The following NEK4 variants were observed in gnomAD, a reference collection of about 807,000 sequenced individuals.
The protein encoded by NEK4 is NIMA related kinase 4.
Under a neutral mutation model 98.4 loss-of-function variants are expected in NEK4, and 86 were observed. The ratio of observed to expected loss-of-function variants is 0.87; its 90% CI spans 0.73 to 1.05. NEK4 has a LOEUF of 1.05. Ranked by LOEUF, NEK4 falls within the 50% of genes least tolerant of loss-of-function variation. The pLI is 0.00. For synonymous variants in NEK4, 328 were observed against 342.2 expected, an observed-to-expected ratio of 0.96 and a Z score of 0.46; for missense variants, 898 against 950.3, an observed-to-expected ratio of 0.94 and a Z score of 0.72.
chr3:52,745,424 C>CA (rs2097394335), intron 10 of NEK4, among the ~76,000 whole-genome samples: 1 of 151,742 alleles, frequency 6.6e-6, no homozygotes, highest in South Asian at 2.1e-4. Context: ...TACTAAAATA[C>CA]AAAAATTAGC....
At position 52,711,018 on chromosome 3, in the gene NEK4, TA is replaced by T. The variant is rs1250477965; in HGVS notation, c.*758del. 3.9e-5 allele frequency: 6 copies of T among 152,612 alleles called. No individual in the cohort carries two copies. Among genetic ancestry groups the T allele is most frequent in the Non-Finnish European group, 8.8e-5 (6 of 68,028 alleles). The allele number at this position is 152,612 out of a possible 1,614,324, so 9.5% of individuals were successfully genotyped here. ...ACAAACATTAAATATATCCAAAAAC[TA>T]AATGGACCTGGACTTTGCTTACAAA... On this transcript the variant is annotated 3_prime_UTR_variant, in exon 16 of 16. Coordinates refer to ENST00000233027, the MANE Select transcript of NEK4 (RefSeq NM_003157.6).
chr3:52,736,602 AAAG>A (rs1348303489), intron 15 of NEK4, among the ~76,000 whole-genome samples: 3 of 152,174 alleles, frequency 2.0e-5, no homozygotes, highest in African/African-American at 2.4e-5. Context: ...AAAAAAAAAA[AAAG>A]AATTATAGTA....
Position 52,743,441 on chromosome 3 carries a change from A to G in NEK4, c.1915T>C (p.Ser639Pro). Reference sequence around the variant, plus strand: ...TTTCCTGGCCCTGCTACACTCAGAGACGCTTTCCTCACTGAAGGGCCTGAA... The same window carrying G: ...TTTCCTGGCCCTGCTACACTCAGAGGCGCTTTCCTCACTGAAGGGCCTGAA... ...SSSGPSVRKA[S>P]LSVAGPGKPQ... Residue 639 changes from serine (S) to proline (P), a missense_variant, in exon 12 of 16, where the codon TCT becomes CCT. By Grantham distance (74) the Ser-to-Pro change is moderately conservative. Coordinates refer to ENST00000233027, the MANE Select transcript of NEK4 (RefSeq NM_003157.6). 6.2e-7 allele frequency: 1 copy of G among 1,614,002 alleles called. No individual in the cohort carries two copies. Among genetic ancestry groups the G allele is most frequent in the South Asian group, 1.1e-5 (1 of 91,074 alleles).
chr3:52,746,000 T>C (rs2097395350), intron 10 of NEK4, 61 bp downstream of exon 10: 2 of 1,487,922 alleles, frequency 1.3e-6, no homozygotes, highest in Non-Finnish European at 1.9e-6. Flanking sequence ...TGGGATTACA[T>C]GCATGATACA....
Position 52,723,462 on chromosome 3 carries a change from G to C in NEK4, c.2434-11593C>G, listed in dbSNP as rs192733546. On this transcript the variant is annotated intron_variant, in intron 15 of 15. Coordinates refer to ENST00000233027, the MANE Select transcript of NEK4 (RefSeq NM_003157.6). ...TTTTACCATGTTGGTCAGGCTGGTC[G>C]AACTCCTGACCTTAAGTCATCTGCC... 3.2e-4 allele frequency among the ~76,000 whole-genome samples: 49 copies of C among 152,052 alleles called. No individual in the cohort carries two copies. In the East Asian group the frequency reaches 8.0e-3, roughly 25 times the overall value.
chr3:52,712,294 GT>G (rs2097351133), intron 15 of NEK4, among the ~76,000 whole-genome samples: 1 of 152,154 alleles, frequency 6.6e-6, no homozygotes. Context: ...AAGTTCCCTT[GT>G]CCCCCTCGCA....
intron 15 of NEK4, among the ~76,000 whole-genome samples, chr3:52,726,734 C>T (rs1044686206): frequency 3.3e-5 from 5 of 151,754 alleles, no homozygotes; most frequent in African/African-American, 1.2e-4. Context: ...GGTGAAACCC[C>T]GTCTCTACTA....
rs1559447247 is a variant in NEK4, at chr3:52,760,857, A to G, written c.901T>C (p.Ser301Pro). 1 of 1,608,982 alleles carries G rather than the reference A, an allele frequency of 6.2e-7. No homozygotes were observed. The change falls in exon 6 of 16, where the codon TCA (serine) becomes CCA (proline). Residue 301 changes from serine (S) to proline (P), a missense_variant. Ser to Pro is a moderately conservative substitution (Grantham distance 74, BLOSUM62 -1). Transcript: ENST00000233027. ...TGGGGGTGGATTACTTCATGATTTG[A>G]TTCTGCCTCTCCAGAAACCACTGTA... The part of the protein sequence containing the change: ...FATVVSGEAE[S>P]NHEVIHPQPL...
Position 52,746,197 on chromosome 3 carries a change from G to A in NEK4, c.1691C>T (p.Pro564Leu). 6.2e-7 allele frequency: 1 copy of A among 1,613,950 alleles called. No individual in the cohort carries two copies. Among genetic ancestry groups the A allele is most frequent in the East Asian group, 2.2e-5 (1 of 44,890 alleles). The change falls in exon 10 of 16, where the codon CCT becomes CTT. Residue 564 changes from proline to leucine, a missense_variant. Coordinates refer to ENST00000233027, the MANE Select transcript of NEK4 (RefSeq NM_003157.6). Reference protein sequence around the residue: ...RRDLFAFQESPPRFLPSHPIV... With the variant: ...RRDLFAFQESLPRFLPSHPIV... ...GGGATGAGAAGGCAAAAATCGAGGA[G>A]GCGACTCTTGGAACTTAAATAATTA... is the stretch of plus-strand genomic sequence containing the variant.
intron 1 of NEK4, 35 bp downstream of exon 1, chr3:52,770,619 G>T: frequency 6.3e-6 from 6 of 954,750 alleles, no homozygotes; most frequent in Non-Finnish European, 3.2e-6. Context: ...ACTTCTGCCC[G>T]CCCCCGCCCC....
Position 52,770,892 on chromosome 3 carries a change from G to C in NEK4, c.-146C>G. ...GGCCCGGGCGGGATTGCTGGGGCCC[G>C]GCCCGCGACGACGCCGCTGCCATAG... On this transcript the variant is annotated 5_prime_UTR_variant, in exon 1 of 16. Coordinates refer to ENST00000233027, the MANE Select transcript of NEK4 (RefSeq NM_003157.6). 4.6e-6 allele frequency: 3 copies of C among 657,650 alleles called. No individual in the cohort carries two copies. Among genetic ancestry groups the C allele is most frequent in the Non-Finnish European group, 7.7e-6 (3 of 390,220 alleles). 40.7% of individuals were successfully genotyped at this position (657,650 alleles called of 1,614,324 possible).
At chr3:52,736,055 A>G (rs1008244964) in intron 15 of NEK4, among the ~76,000 whole-genome samples, 2 of 152,174 alleles carry the variant, frequency 1.3e-5, no homozygotes, top group African/African-American at 4.8e-5. Context: ...AAACCCGACT[A>G]TGTCTTCCGT....
intron 6 of NEK4, among the ~76,000 whole-genome samples, chr3:52,752,900 C>CAAAAATAAAAAAAA (rs2097407768): frequency 2.0e-5 from 1 of 49,964 alleles, no homozygotes; most frequent in East Asian, 5.3e-4. Context: ...AACCCTGCCT[C>CAAAAATAAAAAAAA]AAAAAAAAAA....
intron 4 of NEK4, among the ~76,000 whole-genome samples, chr3:52,764,064 T>C (rs901061998): frequency 2.0e-5 from 3 of 147,532 alleles, no homozygotes; most frequent in African/African-American, 7.5e-5. Flanking sequence ...GCAGGTGGAT[T>C]GCCTGAGGTC....
At chr3:52,721,565 C>A (rs1214979274) in intron 15 of NEK4, among the ~76,000 whole-genome samples, 12 of 148,890 alleles carry the variant, frequency 8.1e-5, no homozygotes, top group African/African-American at 2.7e-4. Context: ...CTGTCTCTAC[C>A]AAAAAAAAAA....
intron 7 of NEK4, among the ~76,000 whole-genome samples, 200 bp downstream of exon 7, chr3:52,751,732 G>A (rs567819655): frequency 3.3e-5 from 5 of 152,296 alleles, no homozygotes; most frequent in Admixed American, 2.6e-4. Flanking sequence ...ATGTTGCCAC[G>A]AGTTGTGGGC....
intron 7 of NEK4, among the ~76,000 whole-genome samples, chr3:52,750,506 C>T (rs1277219730): frequency 6.6e-6 from 1 of 152,130 alleles, no homozygotes; most frequent in South Asian, 2.1e-4. Context: ...GAGATCGTGC[C>T]ACTGTACTCT....
At chr3:52,766,081 A>T in intron 3 of NEK4, 87 bp from the exon 4 acceptor site, 1 of 1,455,042 alleles carries the variant, frequency 6.9e-7, no homozygotes. Context: ...ATTTTCCTTA[A>T]ACCAATTCAT....
rs2097396956 is a variant in NEK4 at position 52,746,821 on chromosome 3, A to C, written c.1590T>G (p.Pro530=). 2 of 1,613,948 alleles carry C rather than the reference A, an allele frequency of 1.2e-6. No individual in the cohort carries two copies. Among genetic ancestry groups the C allele is most frequent in the Non-Finnish European group, 1.7e-6 (2 of 1,179,912 alleles). Residue 530 remains proline (P), a synonymous_variant, in exon 9 of 16, where the codon CCT becomes CCG. Transcript: ENST00000233027. ...DLQPHNSGSE[P]SLSRQRRQKR... ...TTTGCCGTCGCTGTCGAGACAGGGA[A>C]GGTTCAGACCCAGAGTTGTGTGGCT...
Sources: allele counts gnomAD v4.1 joint callset (sites outside exome capture counted in the v4.1 genomes callset), GRCh38; gene constraint gnomAD v4.1.1; transcripts MANE v1.5; gene names NCBI Gene and HGNC (gene_info 2026-07-23, HGNC 2026-07-21).